Variants in FSCN2 observed in about 807,000 individuals in gnomAD.
FSCN2 encodes the protein fascin-2.
Under a neutral mutation model 37.8 loss-of-function variants are expected in FSCN2, and 46 were observed. The observed-to-expected ratio is 1.22, with a 90% CI of 0.96 to 1.56. FSCN2 has a LOEUF of 1.56. FSCN2 is among the 40% of genes most tolerant of loss of function. The pLI, the probability that FSCN2 is intolerant of heterozygous loss-of-function variation, is 0.00. For synonymous variants in FSCN2, 351 were observed against 309.4 expected (o/e 1.13, Z -1.41); for missense variants, 844 against 730.4 (o/e 1.16, Z -1.79).
At chr17:81,518,299 C>G in the FSCN2 span, among the ~76,000 whole-genome samples, 2 of 152,058 alleles carry the variant, frequency 1.3e-5, no homozygotes, top group Non-Finnish European at 2.9e-5. Context: ...TGCCCTAGAG[C>G]ATTGGTTCTT....
Position 81,529,120 on chromosome 17 carries a change from G to T in FSCN2, c.589G>T (p.Asp197Tyr). 6.3e-7 allele frequency: 1 copy of T among 1,583,088 alleles called. No homozygotes were observed. The highest frequency in any genetic ancestry group is 8.6e-7 in the Non-Finnish European group (1 of 1,166,372). Reference protein sequence around the residue: ...KSCDSRYLRSDGRLVWEPEPR... With the variant: ...KSCDSRYLRSYGRLVWEPEPR... ...CTGTGACAGCCGCTACCTGCGCAGC[G>T]ACGGCCGTCTGGTCTGGGAGCCTGA... is the stretch of plus-strand genomic sequence containing the variant. Residue 197 changes from aspartate to tyrosine, a missense_variant, in exon 1 of 5, where the codon GAC becomes TAC. Asp to Tyr is a radical substitution (Grantham distance 160). Transcript: ENST00000417245.
rs372666142 is a variant in FSCN2 at position 81,536,805 on chromosome 17, G to A, written c.1273+16G>A. ...CGGATCCGAGGTGCGTGGCGGGGCG[G>A]GTGGGCACGCGGGAGCGGGGGTGGC... On this transcript the variant is annotated intron_variant, in intron 4 of 4. Coordinates refer to ENST00000417245, the MANE Select transcript of FSCN2 (RefSeq NM_012418.4). 397 of 1,571,882 alleles carry A rather than the reference G, an allele frequency of 2.5e-4. 1 individual carries two copies. The highest frequency in any genetic ancestry group is 3.1e-4 in the Non-Finnish European group (362 of 1,156,486).
the FSCN2 span, among the ~76,000 whole-genome samples, chr17:81,516,988 G>A: frequency 4.6e-5 from 7 of 152,200 alleles, no homozygotes; most frequent in Non-Finnish European, 7.3e-5. Flanking sequence ...AGTTTTCACA[G>A]GGAGGGAAAC....
upstream of FSCN2, among the ~76,000 whole-genome samples, chr17:81,526,871 T>C (rs782566707): frequency 1.1e-4 from 17 of 152,126 alleles, no homozygotes; most frequent in Non-Finnish European, 2.2e-4. Flanking sequence ...GCCTCATAAA[T>C]GCGTGTGAAT....
rs753060399 is a variant in FSCN2, at chr17:81,537,048, G to A, written c.1447G>A (p.Ala483Thr). ...GGGCCTGCTGCGGGCCGATGCCGAC[G>A]CCCCGGCCGGGACCGCGCTTTGGGA... is the stretch of plus-strand genomic sequence containing the variant. Reference protein sequence around the residue: ...ASGLLRADADAPAGTALWEY With the variant: ...ASGLLRADADTPAGTALWEY Residue 483 changes from alanine (A) to threonine (T), a missense_variant, in exon 5 of 5, where the codon GCC (alanine) becomes ACC (threonine). Coordinates refer to ENST00000417245, the MANE Select transcript of FSCN2 (RefSeq NM_012418.4). 1.8e-5 allele frequency: 26 copies of A among 1,469,548 alleles called. No individual in the cohort carries two copies. The highest frequency in any genetic ancestry group is 2.9e-5 in the East Asian group (1 of 34,880). The allele number at this position is 1,469,548 out of a possible 1,614,324, so 91.0% of individuals were successfully genotyped here.
chr17:81,528,345 TC>T (rs143065506), upstream of FSCN2: 3,098 of 578,374 alleles, frequency 5.4e-3, 82 homozygotes, highest in African/African-American at 0.051. Flanking sequence ...CCGCGGGCCC[TC>T]TAAGAGCTGC....
At chr17:81,520,656 C>T in the FSCN2 span, among the ~76,000 whole-genome samples, 1 of 152,360 alleles carries the variant, frequency 6.6e-6, no homozygotes, top group East Asian at 1.9e-4. Context: ...AACGCTTAGT[C>T]CCTGTCTCTT....
chr17:81,535,350 CCCATCTCCACCATCTCCATCA>C (rs1458931211), intron 2 of FSCN2, 142 bp downstream of exon 2: 7 of 558,178 alleles, frequency 1.3e-5, no homozygotes, highest in African/African-American at 7.7e-5. Context: ...GACCACCATC[CCCATCTCCACCATCTCCATCA>C]CCATCATCGC....
chr17:81,532,448 GGTGA>G (rs1568079394), intron 1 of FSCN2, among the ~76,000 whole-genome samples: 2 of 89,750 alleles, frequency 2.2e-5, no homozygotes, highest in Non-Finnish European at 5.8e-5. Flanking sequence ...TGATGATGAT[GGTGA>G]TGGTGGTGGT....
intron 1 of FSCN2, among the ~76,000 whole-genome samples, chr17:81,531,474 G>GTGGTGATGGTGATGATGGTGGTGA (rs2032591527): frequency 9.4e-6 from 1 of 105,848 alleles, no homozygotes; most frequent in Non-Finnish European, 1.9e-5. Flanking sequence ...GATGGTGGTG[G>GTGGTGATGGTGATGATGGTGGTGA]TGGTGATGGT....
At position 81,528,837 on chromosome 17, in the gene FSCN2, G is replaced by A; in HGVS notation, c.306G>A (p.Leu102=). The change falls in exon 1 of 5, where the codon CTG becomes CTA. Residue 102 remains leucine (L), a synonymous_variant. Transcript: ENST00000417245. ...CGCAGCCAGATGGGCGCTGGGTGCT[G>A]CGGTCCGAGCCGCACGGCCGCTTCT... The part of the protein sequence containing the change: ...VLPQPDGRWV[L]RSEPHGRFFG... 1.3e-6 allele frequency: 2 copies of A among 1,555,150 alleles called. No homozygotes were observed. The highest frequency in any genetic ancestry group is 2.4e-5 in the South Asian group (2 of 84,856).
In FSCN2 at chr17:81,535,155, G is replaced by T; in HGVS notation, c.930G>T (p.Gly310=). 1 of 1,533,852 alleles carries T rather than the reference G, an allele frequency of 6.5e-7. No individual in the cohort carries two copies. The highest frequency in any genetic ancestry group is 2.5e-5 in the East Asian group (1 of 40,736). Residue 310 remains glycine (G), a synonymous_variant, in exon 2 of 5, where the codon GGG becomes GGT. Transcript: ENST00000417245. ...TKKCTFYSST[G]GYWTLVTHGG... is the part of the protein sequence containing the mutation. Reference sequence around the variant, plus strand: ...AGTGCACCTTCTATTCCAGCACTGGGGGCTACTGGACCCTGGTCACCCATG... The same window carrying T: ...AGTGCACCTTCTATTCCAGCACTGGTGGCTACTGGACCCTGGTCACCCATG...
chr17:81,533,655 A>G (rs567933462), intron 1 of FSCN2, among the ~76,000 whole-genome samples: 39 of 152,344 alleles, frequency 2.6e-4, no homozygotes, highest in African/African-American at 8.4e-4. Context: ...CTCATTTGCC[A>G]GAACTGAGTC....
chr17:81,530,636 C>G (rs1555671122), intron 1 of FSCN2: 1 of 514,372 alleles, frequency 1.9e-6, no homozygotes, highest in Admixed American at 2.0e-5. Flanking sequence ...CCTGGCAGCT[C>G]CCAGGTGCCC....
rs780353525 is a variant in FSCN2 at position 81,535,053 on chromosome 17, G to A, written c.828G>A (p.Gly276=). 8.2e-5 allele frequency: 126 copies of A among 1,527,596 alleles called. No homozygotes were observed. Among genetic ancestry groups the A allele is most frequent in the Non-Finnish European group, 1.1e-4 (124 of 1,142,320 alleles). 94.6% of individuals were successfully genotyped at this position (1,527,596 alleles called of 1,614,324 possible). A position where few individuals can be genotyped will look rare whatever the true frequency, so the allele number is the denominator to read the frequency against. Residue 276 remains glycine, a splice_region_variant and synonymous_variant, in exon 2 of 5, where the codon GGG becomes GGA. Coordinates refer to ENST00000417245, the MANE Select transcript of FSCN2 (RefSeq NM_012418.4). ...GGCTTCCCCATCTCCTCCCTCCAGG[G>A]GTCAACGTCTCAGCCAATCAGGATG... ...ANHRYVSVRQ[G]VNVSANQDDE...
At chr17:81,519,188 C>T in the FSCN2 span, 24,949 of 152,376 alleles carry the variant, frequency 0.16, 2,211 homozygotes, top group Middle Eastern at 0.3. Context: ...CCCGGCTGCA[C>T]GTGGTCGCGC....
chr17:81,520,428 G>T, the FSCN2 span, among the ~76,000 whole-genome samples: 220 of 152,338 alleles, frequency 1.4e-3, no homozygotes, highest in African/African-American at 5.0e-3. Context: ...ACACACCTTG[G>T]GCTCTCTTGA....
chr17:81,518,543 C>T, the FSCN2 span, among the ~76,000 whole-genome samples: 10 of 152,126 alleles, frequency 6.6e-5, no homozygotes, highest in Non-Finnish European at 1.5e-4. Flanking sequence ...GTGGAAGGGG[C>T]TATAACTCTA....
chr17:81,536,483 C>CT (rs2032881166), intron 3 of FSCN2, 139 bp from the exon 4 acceptor site: 1 of 1,527,682 alleles, frequency 6.5e-7, no homozygotes, highest in Admixed American at 2.0e-5. Flanking sequence ...CCCTAGGCGC[C>CT]TTGCCAAGGC....
Sources: gnomAD v4.1 joint callset for allele counts (sites outside exome capture counted in the v4.1 genomes callset) on GRCh38, gnomAD v4.1.1 for gene constraint, MANE v1.5 for transcripts, NCBI Gene and HGNC (gene_info 2026-07-23, HGNC 2026-07-21) for gene names.